SHROOM3: variants seen among roughly 807,000 people sequenced by gnomAD.
The protein encoded by SHROOM3 is protein Shroom3.
Under a neutral mutation model 138.6 loss-of-function variants are expected in SHROOM3, and 47 were observed. The ratio of observed to expected loss-of-function variants is 0.34; its 90% CI spans 0.27 to 0.43. The LOEUF is 0.43. Among genes scored for constraint, SHROOM3 ranks in the 20% least tolerant of loss-of-function variants. The pLI is 1.00. For synonymous variants in SHROOM3, 1,062 were observed against 1,063.3 expected (o/e 1.00, Z 0.02); for missense variants, 2,491 against 2,596.5 (o/e 0.96, Z 0.88).
At chr4:76,457,116 G>C (rs1334910307) in intron 1 of SHROOM3, among the ~76,000 whole-genome samples, 1 of 152,206 alleles carries the variant, frequency 6.6e-6, no homozygotes, top group Non-Finnish European at 1.5e-5. Flanking sequence ...CGATGGCTTG[G>C]CTTGGGCTCA....
At chr4:76,506,635 T>G (rs1049430150) in intron 1 of SHROOM3, among the ~76,000 whole-genome samples, 22 of 152,128 alleles carry the variant, frequency 1.4e-4, no homozygotes, top group Non-Finnish European at 5.9e-5. Context: ...GGGAAGGGTA[T>G]GAAGGATATA....
intron 1 of SHROOM3, among the ~76,000 whole-genome samples, chr4:76,520,003 G>A (rs1224789445): frequency 6.6e-6 from 1 of 152,104 alleles, no homozygotes; most frequent in Non-Finnish European, 1.5e-5. Context: ...CACAAGACTA[G>A]CTTCTTTTAG....
At chr4:76,608,556 A>AGCATAGCATAGCATAGCG (rs1734673998) in intron 2 of SHROOM3, among the ~76,000 whole-genome samples, 1 of 78,696 alleles carries the variant, frequency 1.3e-5, no homozygotes, top group Non-Finnish European at 2.7e-5. Flanking sequence ...ATAGCATAGC[A>AGCATAGCATAGCATAGCG]TAGCATAGCA....
At chr4:76,669,644 T>C (rs1253125387) in intron 2 of SHROOM3, among the ~76,000 whole-genome samples, 1 of 151,930 alleles carries the variant, frequency 6.6e-6, no homozygotes, top group African/African-American at 2.4e-5. Context: ...TCTCTTCACA[T>C]ATCTTGTTTA....
chr4:76,709,967 A>G, intron 2 of SHROOM3, 189 bp from the exon 3 acceptor site: 1 of 610,304 alleles, frequency 1.6e-6, no homozygotes, highest in Non-Finnish European at 2.9e-6. Context: ...CACGACACTC[A>G]GTAGTGGATT....
chr4:76,715,692 A>G (rs1385616765), intron 3 of SHROOM3, among the ~76,000 whole-genome samples: 2 of 152,216 alleles, frequency 1.3e-5, no homozygotes, highest in African/African-American at 2.4e-5. Flanking sequence ...ATCAAGATGA[A>G]TGGATAATAG....
intron 1 of SHROOM3, among the ~76,000 whole-genome samples, chr4:76,505,424 G>T (rs1445158954): frequency 6.6e-6 from 1 of 151,986 alleles, no homozygotes; most frequent in Non-Finnish European, 1.5e-5. Flanking sequence ...TCAGCTCTGG[G>T]ACCCAACACT....
intron 1 of SHROOM3, among the ~76,000 whole-genome samples, chr4:76,452,459 G>C (rs1223078780): frequency 6.6e-6 from 1 of 152,166 alleles, no homozygotes; most frequent in Non-Finnish European, 1.5e-5. Context: ...GATTAGTCTA[G>C]GTGCTTCATA....
Position 76,755,145 on chromosome 4 carries a change from A to G in SHROOM3, c.4662A>G (p.Val1554=), listed in dbSNP as rs1560616259. ...TCCCTCCACCTCCTCCCCACACTGT[A>G]TGTGAGGCGCAGCTGGACAGTGAGG... The part of the protein sequence containing the change: ...DDFPPPPPHT[V]CEAQLDSEDP... Residue 1554 remains valine (V), a synonymous_variant, in exon 7 of 11, where the codon GTA becomes GTG. Transcript: ENST00000296043. 1 of 1,611,228 alleles carries G rather than the reference A, an allele frequency of 6.2e-7. No homozygotes were observed. The highest frequency in any genetic ancestry group is 8.5e-7 in the Non-Finnish European group (1 of 1,179,624).
intron 2 of SHROOM3, among the ~76,000 whole-genome samples, chr4:76,617,433 A>G (rs1213271382): frequency 6.6e-6 from 1 of 152,260 alleles, no homozygotes; most frequent in Non-Finnish European, 1.5e-5. Flanking sequence ...TGAATGATAT[A>G]TAATGCTTTA....
chr4:76,701,493 T>C (rs1480406488), intron 2 of SHROOM3, among the ~76,000 whole-genome samples: 3 of 152,190 alleles, frequency 2.0e-5, no homozygotes, highest in Non-Finnish European at 4.4e-5. Context: ...GGATAAATAA[T>C]ACTTGCTTTA....
intron 1 of SHROOM3, among the ~76,000 whole-genome samples, chr4:76,527,067 C>T (rs1211011071): frequency 1.3e-5 from 2 of 152,122 alleles, no homozygotes; most frequent in East Asian, 3.9e-4. Flanking sequence ...TTCTTTCTTT[C>T]ACACTCTCCC....
chr4:76,653,432 C>T (rs1414599977), intron 2 of SHROOM3, among the ~76,000 whole-genome samples: 2 of 151,716 alleles, frequency 1.3e-5, no homozygotes, highest in Non-Finnish European at 2.9e-5. Context: ...TGCAGGATGT[C>T]CTCTGGGAGC....
At chr4:76,570,185 GCA>G (rs1465849222) in intron 2 of SHROOM3, among the ~76,000 whole-genome samples, 4 of 131,908 alleles carry the variant, frequency 3.0e-5, no homozygotes, top group Middle Eastern at 3.8e-3. Flanking sequence ...ACACACACAC[GCA>G]CACCAGTACT....
intron 1 of SHROOM3, among the ~76,000 whole-genome samples, chr4:76,473,296 T>C (rs987449150): frequency 6.6e-6 from 1 of 152,198 alleles, no homozygotes. Flanking sequence ...CTAGACTATA[T>C]GAAGAATTAT....
chr4:76,503,431 T>C (rs1376483324), intron 1 of SHROOM3, among the ~76,000 whole-genome samples: 1 of 152,046 alleles, frequency 6.6e-6, no homozygotes, highest in African/African-American at 2.4e-5. Context: ...GTTGCTATTA[T>C]ATATATATAT....
intron 2 of SHROOM3, among the ~76,000 whole-genome samples, chr4:76,680,192 G>A (rs1002870200): frequency 1.3e-5 from 2 of 149,008 alleles, no homozygotes; most frequent in African/African-American, 5.0e-5. Flanking sequence ...CCAGACTGGA[G>A]TACAGTGGCG....
intron 1 of SHROOM3, among the ~76,000 whole-genome samples, chr4:76,495,940 C>T (rs1265919439): frequency 1.1e-4 from 16 of 152,146 alleles, no homozygotes; most frequent in Admixed American, 8.5e-4. Flanking sequence ...GAACCAGGCA[C>T]GACAAGAAAG....
intron 2 of SHROOM3, among the ~76,000 whole-genome samples, chr4:76,674,538 TTTCC>T (rs1172634143): frequency 1.7e-4 from 26 of 150,272 alleles, no homozygotes; most frequent in Middle Eastern, 3.5e-3. Flanking sequence ...TCTTTCTTTC[TTTCC>T]TTCCTTCCTT....
Sources: gnomAD v4.1 joint callset for allele counts (sites outside exome capture counted in the v4.1 genomes callset) on GRCh38, gnomAD v4.1.1 for gene constraint, MANE v1.5 for transcripts, NCBI Gene and HGNC (gene_info 2026-07-23, HGNC 2026-07-21) for gene names.